The following PLSCR2 variants were observed in gnomAD, a reference collection of about 807,000 sequenced individuals.
PLSCR2 encodes the protein phospholipid scramblase 2.
PLSCR2 carries 18 observed loss-of-function variants against 25.3 expected under a neutral mutation model. The observed-to-expected ratio is 0.71, with a 90% CI of 0.49 to 1.06. The LOEUF (loss-of-function observed/expected upper bound fraction) is 1.06, where lower values mean the gene tolerates loss of function less well. Ranked by LOEUF, PLSCR2 falls within the 50% of genes least tolerant of loss-of-function variation. The probability of loss-of-function intolerance (pLI) is 0.00; values close to 1 mark genes in which losing one functional copy is unlikely to be tolerated. For missense variants in PLSCR2, 243 were observed against 269.5 expected, an observed-to-expected ratio of 0.90 and a Z score of 0.69; for synonymous variants, 88 against 87.3, an observed-to-expected ratio of 1.01 and a Z score of -0.04.
chr3:146,429,910 T>C (rs2039487049), downstream of PLSCR2, among the ~76,000 whole-genome samples: 1 of 152,002 alleles, frequency 6.6e-6, no homozygotes, highest in South Asian at 2.1e-4. Flanking sequence ...CAGTCAAGGA[T>C]GTTTGACTTC....
intron 1 of PLSCR2, among the ~76,000 whole-genome samples, chr3:146,476,113 G>A (rs944312979): frequency 6.6e-6 from 1 of 152,006 alleles, no homozygotes; most frequent in Non-Finnish European, 1.5e-5. Flanking sequence ...GGCCAAGAAG[G>A]CTGACAAGAA....
chr3:146,430,902 A>C (rs1195446976), downstream of PLSCR2, among the ~76,000 whole-genome samples: 3 of 151,888 alleles, frequency 2.0e-5, no homozygotes, highest in Non-Finnish European at 2.9e-5. Flanking sequence ...TCCATCCCCC[A>C]GCCATCACAA....
At chr3:146,474,932 C>A (rs1317144094) in intron 1 of PLSCR2, among the ~76,000 whole-genome samples, 1 of 151,676 alleles carries the variant, frequency 6.6e-6, no homozygotes, top group African/African-American at 2.4e-5. Flanking sequence ...GTAGATTTGA[C>A]TATTGATACT....
At chr3:146,410,861 A>G (rs1472830902) in intron 2 of PLSCR2, among the ~76,000 whole-genome samples, 1 of 152,096 alleles carries the variant, frequency 6.6e-6, no homozygotes, top group African/African-American at 2.4e-5. Flanking sequence ...CCCTGAGGGG[A>G]CTTGGGCTCC....
In PLSCR2 at chr3:146,494,191, C is replaced by T. The variant is rs193246216; in HGVS notation, c.-293+1704G>A. Among the ~76,000 whole-genome samples the T allele has an allele frequency of 2.0e-5, 3 of 152,118 alleles. No homozygotes were observed. The East Asian group carries it at 5.8e-4, about 29-fold the overall frequency. On this transcript the variant is annotated intron_variant, in intron 1 of 8. Coordinates refer to the PLSCR2 transcript ENST00000336685. ...TGGGTTCTGACTGCTTTCTTTGAGG[C>T]ACAGATTTTTGGAGCCCTTATTCTG...
At chr3:146,398,073 T>G (rs2107986708) in intron 2 of PLSCR2, among the ~76,000 whole-genome samples, 1 of 152,108 alleles carries the variant, frequency 6.6e-6, no homozygotes, top group African/African-American at 2.4e-5. Context: ...TAGGGAAGTA[T>G]GGCTTTTTGC....
intron 2 of PLSCR2, among the ~76,000 whole-genome samples, chr3:146,406,161 G>A (rs932359196): frequency 6.6e-6 from 1 of 152,198 alleles, no homozygotes; most frequent in African/African-American, 2.4e-5. Context: ...CACAAGTTAT[G>A]GAATGAAGAT....
In PLSCR2 at chr3:146,448,333, C is replaced by T. The variant is rs148499269; in HGVS notation, c.645+873G>A. On this transcript the variant is annotated intron_variant, in intron 6 of 6. Transcript: ENST00000610787. ...CATTTACTTGTTGAAGCAGCTGGGT[C>T]CTTTTTGCTGTATATTATCTGTTAA... Among the ~76,000 whole-genome samples the T allele has an allele frequency of 4.0e-3, 613 of 152,218 alleles. 3 individuals carry two copies. The highest frequency in any genetic ancestry group is 0.014 in the African/African-American group (582 of 41,546).
At chr3:146,396,529 A>G (rs184714236) in intron 2 of PLSCR2, among the ~76,000 whole-genome samples, 12 of 152,268 alleles carry the variant, frequency 7.9e-5, no homozygotes, top group Admixed American at 5.9e-4. Context: ...GACTACACAA[A>G]TGGTAGGGGC....
chr3:146,395,266 A>G (rs2038234822), intron 3 of PLSCR2, among the ~76,000 whole-genome samples: 2 of 152,246 alleles, frequency 1.3e-5, no homozygotes, highest in Non-Finnish European at 2.9e-5. Flanking sequence ...TTGTGAATTT[A>G]AAAAGAAGCA....
At chr3:146,428,743 T>C (rs1043879070), downstream of PLSCR2, among the ~76,000 whole-genome samples, 1 of 152,220 alleles carries the variant, frequency 6.6e-6, no homozygotes, top group African/African-American at 2.4e-5. Context: ...TCTACACTTC[T>C]GTGAGATGAG....
intron 2 of PLSCR2, among the ~76,000 whole-genome samples, chr3:146,420,061 C>G (rs2039098412): frequency 6.6e-6 from 1 of 152,020 alleles, no homozygotes; most frequent in Non-Finnish European, 1.5e-5. Context: ...TAAGGTAAAT[C>G]AAAATGTCAC....
At chr3:146,489,773 C>A (rs553345953) in intron 1 of PLSCR2, among the ~76,000 whole-genome samples, 1 of 152,088 alleles carries the variant, frequency 6.6e-6, no homozygotes, top group Non-Finnish European at 1.5e-5. Context: ...AAGACCCACC[C>A]AGATGGTGTG....
At chr3:146,433,264 A>C (rs868518844), downstream of PLSCR2, 6 of 152,276 alleles carry the variant, frequency 3.9e-5, no homozygotes, top group Middle Eastern at 0.01. Flanking sequence ...ATTCTCTCAA[A>C]TCTCACTAAA....
chr3:146,485,939 C>T (rs2043324467), intron 1 of PLSCR2, among the ~76,000 whole-genome samples: 1 of 152,020 alleles, frequency 6.6e-6, no homozygotes, highest in Admixed American at 6.6e-5. Context: ...GACCCATTCA[C>T]TATCATGAGA....
At chr3:146,410,178 G>T (rs368119218) in intron 2 of PLSCR2, among the ~76,000 whole-genome samples, 1 of 152,072 alleles carries the variant, frequency 6.6e-6, no homozygotes, top group South Asian at 2.1e-4. Context: ...GAGATGTGTG[G>T]GGTAGGGGGC....
rs898950792 is a variant in PLSCR2 at position 146,495,725 on chromosome 3, G to A, written c.-293+170C>T. ...GTTATTATAAGTCACCCAGTCTATG[G>A]TATTTGTTACAGCAGTTCACACTGT... On this transcript the variant is annotated intron_variant, in intron 1 of 8. Transcript: ENST00000336685. Among the ~76,000 whole-genome samples the A allele has an allele frequency of 2.4e-4, 36 of 152,176 alleles. 1 individual carries two copies. Among genetic ancestry groups the A allele is most frequent in the Non-Finnish European group, 1.0e-4 (7 of 68,036 alleles).
chr3:146,492,104 G>A (rs927864428), intron 1 of PLSCR2, among the ~76,000 whole-genome samples: 3 of 152,200 alleles, frequency 2.0e-5, no homozygotes, highest in Admixed American at 1.3e-4. Flanking sequence ...TGGCTCTGAG[G>A]CTCAGATCAG....
intron 6 of PLSCR2, among the ~76,000 whole-genome samples, chr3:146,444,929 T>C (rs2040459760): frequency 1.3e-5 from 2 of 152,222 alleles, no homozygotes; most frequent in East Asian, 1.9e-4. Flanking sequence ...GTATCTTTTC[T>C]ACGTTTTTGA....
Sources: allele counts gnomAD v4.1 joint callset (sites outside exome capture counted in the v4.1 genomes callset), GRCh38; gene constraint gnomAD v4.1.1; transcripts MANE v1.5; gene names NCBI Gene and HGNC (gene_info 2026-07-23, HGNC 2026-07-21).